LIN7C: variants seen among roughly 807,000 people sequenced by gnomAD.
The protein encoded by LIN7C is lin-7 cell polarity scaffold C.
A neutral mutation model predicts 24.7 loss-of-function variants in LIN7C; 17 were observed. The observed-to-expected ratio is 0.69, with a 90% confidence interval of 0.47 to 1.03. The LOEUF is 1.03. Ranked by LOEUF, LIN7C falls within the 50% of genes least tolerant of loss-of-function variation. LIN7C has a pLI of 0.00. For synonymous variants in LIN7C, 90 were observed against 83.4 expected (o/e 1.08, Z -0.43); for missense variants, 204 against 239.0 (o/e 0.85, Z 0.97).
At position 27,498,658 on chromosome 11, in the gene LIN7C, T is replaced by A. The variant is rs1302760052; in HGVS notation, c.585A>T (p.Gln195His). 1 of 1,613,806 alleles carries A rather than the reference T, an allele frequency of 6.2e-7. No homozygotes were observed. Among genetic ancestry groups the A allele is most frequent in the African/African-American group, 1.3e-5 (1 of 74,912 alleles). ...CAAGTTTTGAAATGTATTAGGTCTG[T>A]TGCCTGCGTTTTGCTGATCTCATTT... ...FEKMRSAKRR[Q>H]QT The change falls in exon 5 of 5, where the codon CAA becomes CAT. Residue 195 changes from glutamine to histidine, a missense_variant. Gln to His is a conservative substitution (Grantham distance 24). Transcript: ENST00000278193.
chr11:27,499,684 G>A (rs1380181098), intron 3 of LIN7C, 116 bp from the exon 4 acceptor site: 16 of 876,882 alleles, frequency 1.8e-5, no homozygotes, highest in Non-Finnish European at 2.6e-5. Flanking sequence ...GTGCAGTGGC[G>A]TGATCTTGGC....
intron 4 of LIN7C, 150 bp downstream of exon 4, chr11:27,499,209 A>T (rs1865197440): frequency 1.6e-6 from 1 of 622,036 alleles, no homozygotes; most frequent in South Asian, 2.1e-5. Context: ...TATAGTGCTT[A>T]AAAAAAAGGA....
At chr11:27,501,114 T>C (rs1865220830) in intron 3 of LIN7C, among the ~76,000 whole-genome samples, 1 of 152,154 alleles carries the variant, frequency 6.6e-6, no homozygotes, top group African/African-American at 2.4e-5. Context: ...AATCACCTCA[T>C]GCTTCCTCAT....
chr11:27,495,811 A>G lies in LIN7C; in HGVS notation c.*2838T>C, dbSNP rs925505470. On this transcript the variant is annotated 3_prime_UTR_variant, in exon 5 of 5. Coordinates refer to ENST00000278193, the MANE Select transcript of LIN7C (RefSeq NM_018362.4). ...AAATAAGGAATGCCAAGTACCTTTTATTCCTAAAAGAAATTACTTGGCCAG... is the reference window on the plus strand; with the variant it reads ...AAATAAGGAATGCCAAGTACCTTTTGTTCCTAAAAGAAATTACTTGGCCAG... The G allele has an allele frequency of 1.3e-5, 2 of 152,084 alleles. No homozygotes were observed. Among genetic ancestry groups the G allele is most frequent in the African/African-American group, 4.8e-5 (2 of 41,412 alleles). 9.4% of individuals were successfully genotyped at this position (152,084 alleles called of 1,614,324 possible).
At chr11:27,499,201 T>C (rs910706416) in intron 4 of LIN7C, among the ~76,000 whole-genome samples, 158 bp downstream of exon 4, 3 of 152,162 alleles carry the variant, frequency 2.0e-5, no homozygotes, top group Non-Finnish European at 4.4e-5. Context: ...AATACACTTA[T>C]AGTGCTTAAA....
In LIN7C at chr11:27,495,784, C is replaced by A. The variant is rs374380557; in HGVS notation, c.*2865G>T. On this transcript the variant is annotated 3_prime_UTR_variant, in exon 5 of 5. Coordinates refer to ENST00000278193, the MANE Select transcript of LIN7C (RefSeq NM_018362.4). Reference sequence around the variant, plus strand: ...AAAAAGATAAGACTGTAATTACTTCCCAAATAAGGAATGCCAAGTACCTTT... The same window carrying A: ...AAAAAGATAAGACTGTAATTACTTCACAAATAAGGAATGCCAAGTACCTTT... 8 of 150,878 alleles carry A rather than the reference C, an allele frequency of 5.3e-5. No individual in the cohort carries two copies. In the East Asian group the frequency reaches 1.4e-3, roughly 26 times the overall value. The allele number at this position is 150,878 out of a possible 1,614,324, so 9.3% of individuals were successfully genotyped here.
In LIN7C at chr11:27,499,441, AT is replaced by A. The variant is rs1865200616; in HGVS notation, c.355del (p.Ile119TyrfsTer4). The A allele has an allele frequency of 6.2e-7, 1 of 1,614,024 alleles. No homozygotes were observed. The highest frequency in any genetic ancestry group is 8.5e-7 in the Non-Finnish European group (1 of 1,180,026). On this transcript the variant is annotated frameshift_variant, in exon 4 of 5. Coordinates refer to ENST00000278193, the MANE Select transcript of LIN7C (RefSeq NM_018362.4). LOFTEE classifies it high-confidence loss of function. ...GGKEQNSPIY[I>X]SRIIPGGIAD... ...AATTCCACCTGGAATTATTCGGGAT[AT>A]ATAGATTGGAGAGTTTTGTTCTTTG...
chr11:27,504,843 T>G (rs1238472119), intron 1 of LIN7C, among the ~76,000 whole-genome samples: 1 of 152,208 alleles, frequency 6.6e-6, no homozygotes, highest in African/African-American at 2.4e-5. Context: ...AGACACGATT[T>G]TTTTCTGAGT....
intron 1 of LIN7C, among the ~76,000 whole-genome samples, chr11:27,505,772 T>C (rs1565115254): frequency 1.3e-5 from 2 of 151,562 alleles, no homozygotes; most frequent in Non-Finnish European, 3.0e-5. Flanking sequence ...TACATATACA[T>C]TTTTTTTTAC....
Position 27,495,865 on chromosome 11 carries a change from T to C in LIN7C, c.*2784A>G, listed in dbSNP as rs1865163088. On this transcript the variant is annotated 3_prime_UTR_variant, in exon 5 of 5. Coordinates refer to ENST00000278193, the MANE Select transcript of LIN7C (RefSeq NM_018362.4). Reference sequence around the variant, plus strand: ...CAGTGGCTCACGCCTATAATCCTAATGCTTTGGGAGGCTGAGGTGGAAGCC... The same window carrying C: ...CAGTGGCTCACGCCTATAATCCTAACGCTTTGGGAGGCTGAGGTGGAAGCC... 6.6e-6 allele frequency: 1 copy of C among 151,970 alleles called. No homozygotes were observed. Among genetic ancestry groups the C allele is most frequent in the South Asian group, 2.1e-4 (1 of 4,816 alleles). 9.4% of individuals were successfully genotyped at this position (151,970 alleles called of 1,614,324 possible).
chr11:27,496,910 C>G lies in LIN7C; in HGVS notation c.*1739G>C, dbSNP rs530564342. On this transcript the variant is annotated 3_prime_UTR_variant, in exon 5 of 5. Transcript: ENST00000278193. ...TGTTTTTATATGCACCAATACCTCT[C>G]TTTAATATATAAAGCTCTACAACAA... The G allele has an allele frequency of 1.3e-5, 2 of 152,684 alleles. No homozygotes were observed. Among genetic ancestry groups the G allele is most frequent in the African/African-American group, 4.8e-5 (2 of 41,560 alleles). The allele number at this position is 152,684 out of a possible 1,614,324, so 9.5% of individuals were successfully genotyped here.
intron 3 of LIN7C, 137 bp downstream of exon 3, chr11:27,501,358 T>G: frequency 3.2e-6 from 2 of 626,120 alleles, no homozygotes; most frequent in Non-Finnish European, 5.6e-6. Context: ...TCTTATTTCT[T>G]AGTACTTGAG....
chr11:27,495,699 A>C lies in LIN7C; in HGVS notation c.*2950T>G, dbSNP rs1484308082. Reference sequence around the variant, plus strand: ...GGCAAAGGGGGCAGAATGATGACAGACATAAAAAGCTCACATTTAAATTAC... The same window carrying C: ...GGCAAAGGGGGCAGAATGATGACAGCCATAAAAAGCTCACATTTAAATTAC... On this transcript the variant is annotated 3_prime_UTR_variant, in exon 5 of 5. Coordinates refer to ENST00000278193, the MANE Select transcript of LIN7C (RefSeq NM_018362.4). 1 of 152,076 alleles carries C rather than the reference A, an allele frequency of 6.6e-6. No homozygotes were observed. The highest frequency in any genetic ancestry group is 1.5e-5 in the Non-Finnish European group (1 of 68,026). The allele number at this position is 152,076 out of a possible 1,614,324, so 9.4% of individuals were successfully genotyped here. A position where few individuals can be genotyped will look rare whatever the true frequency, so the allele number is the denominator to read the frequency against.
rs1266451668 is a variant in LIN7C, at chr11:27,496,358, T to A, written c.*2291A>T. 1.3e-5 allele frequency: 2 copies of A among 152,206 alleles called. No homozygotes were observed. The highest frequency in any genetic ancestry group is 4.8e-5 in the African/African-American group (2 of 41,458). The allele number at this position is 152,206 out of a possible 1,614,324, so 9.4% of individuals were successfully genotyped here. A position where few individuals can be genotyped will look rare whatever the true frequency, so the allele number is the denominator to read the frequency against. ...ACAAATCAAACATCTATCATACACT[T>A]ACTATGTACCTAGTTTTATTCACGA... is the stretch of plus-strand genomic sequence containing the variant. On this transcript the variant is annotated 3_prime_UTR_variant, in exon 5 of 5. Transcript: ENST00000278193.
rs568348671 is a variant in LIN7C, at chr11:27,504,033, G to C, written c.38-2113C>G. Among the ~76,000 whole-genome samples the C allele has an allele frequency of 2.6e-5, 4 of 152,136 alleles. No homozygotes were observed. In the South Asian group the frequency reaches 8.3e-4, roughly 32 times the overall value. On this transcript the variant is annotated intron_variant, in intron 1 of 4. Transcript: ENST00000278193. ...GGGTTTCACCATGTTGGCCAGGCTA[G>C]TCTCAAACTCCTGACCTCAAGTGAT...
At position 27,499,383 on chromosome 11, in the gene LIN7C, A is replaced by G; in HGVS notation, c.414T>C (p.Asp138=). The stretch of plus-strand genomic sequence containing the variant: ...CCACTCCATTAACAGAGAGGAGTTG[A>G]TCTCCACGTTTGAGGCCCCCATGTC... ...ADRHGGLKRG[D]QLLSVNGVSV... The change falls in exon 4 of 5, where the codon GAT becomes GAC. Residue 138 remains aspartate (D), a synonymous_variant. Coordinates refer to ENST00000278193, the MANE Select transcript of LIN7C (RefSeq NM_018362.4). The G allele has an allele frequency of 6.2e-7, 1 of 1,614,022 alleles. No individual in the cohort carries two copies. Among genetic ancestry groups the G allele is most frequent in the East Asian group, 2.2e-5 (1 of 44,874 alleles).
rs187265893 is a variant in LIN7C at position 27,504,703 on chromosome 11, T to C, written c.37+2013A>G. Among the ~76,000 whole-genome samples the C allele has an allele frequency of 1.9e-3, 290 of 152,326 alleles. 1 individual carries two copies. Among genetic ancestry groups the C allele is most frequent in the African/African-American group, 6.8e-3 (283 of 41,568 alleles). On this transcript the variant is annotated intron_variant, in intron 1 of 4. Coordinates refer to ENST00000278193, the MANE Select transcript of LIN7C (RefSeq NM_018362.4). ...TGATATAGTATTGGCATAAAACCTATGCATATCCCCCCTCTATACTTTAAA... is the reference window on the plus strand; with the variant it reads ...TGATATAGTATTGGCATAAAACCTACGCATATCCCCCCTCTATACTTTAAA...
At chr11:27,499,630 T>C in intron 3 of LIN7C, 62 bp from the exon 4 acceptor site, 2 of 1,458,570 alleles carry the variant, frequency 1.4e-6, no homozygotes, top group Admixed American at 1.8e-5. Flanking sequence ...TTTCATCTTT[T>C]GTTTCCCCCC....
Position 27,501,796 on chromosome 11 carries a change from A to G in LIN7C, c.156+6T>C. The G allele has an allele frequency of 6.4e-7, 1 of 1,554,738 alleles. No individual in the cohort carries two copies. The highest frequency in any genetic ancestry group is 8.9e-7 in the Non-Finnish European group (1 of 1,128,334). On this transcript the variant is annotated splice_donor_region_variant and intron_variant, in intron 2 of 4. Transcript: ENST00000278193. The stretch of plus-strand genomic sequence containing the variant: ...ATTTTTGTAAATTTTAATGATGTTT[A>G]CTCACCTCTCTCACAGCATTGCAGA...
Sources: allele counts gnomAD v4.1 joint callset (sites outside exome capture counted in the v4.1 genomes callset), GRCh38; gene constraint gnomAD v4.1.1; transcripts MANE v1.5; gene names NCBI Gene and HGNC (gene_info 2026-07-23, HGNC 2026-07-21).